The following KLHL18 variants were observed in gnomAD, a reference collection of about 807,000 sequenced individuals.
KLHL18 encodes kelch-like protein 18.
In KLHL18, 38 loss-of-function variants were observed where a neutral mutation model predicts 58.5. That is an observed-to-expected ratio of 0.65 (90% confidence interval 0.50 to 0.85). KLHL18 has a LOEUF of 0.85. Ranked by LOEUF, KLHL18 falls within the 40% of genes least tolerant of loss-of-function variation. The pLI, the probability that KLHL18 is intolerant of heterozygous loss-of-function variation, is 0.00. For synonymous variants in KLHL18, 303 were observed against 301.9 expected (o/e 1.00, Z -0.04); for missense variants, 624 against 778.4 (o/e 0.80, Z 2.36).
intron 7 of KLHL18, chr3:47,337,867 T>C (rs1358619557): frequency 1.3e-5 from 2 of 152,264 alleles, no homozygotes; most frequent in East Asian, 1.9e-4. Flanking sequence ...TCCCCAACCA[T>C]GAGTAGCTTT....
chr3:47,282,958 C>T lies in KLHL18; in HGVS notation c.-8C>T, dbSNP rs769546356. 7 of 1,608,180 alleles carry T rather than the reference C, an allele frequency of 4.4e-6. No homozygotes were observed. The highest frequency in any genetic ancestry group is 2.2e-5 in the East Asian group (1 of 44,602). The stretch of plus-strand genomic sequence containing the variant: ...GCGAGGCCTGCGCAGTTGCAGCGGC[C>T]GGGGAAGATGGTGGAGGACGGCGCG... On this transcript the variant is annotated 5_prime_UTR_variant, in exon 1 of 10. Coordinates refer to ENST00000232766, the MANE Select transcript of KLHL18 (RefSeq NM_025010.5).
chr3:47,291,803 A>G (rs1418665781), intron 1 of KLHL18, among the ~76,000 whole-genome samples: 2 of 152,220 alleles, frequency 1.3e-5, no homozygotes, highest in Non-Finnish European at 2.9e-5. Flanking sequence ...AAGTGAAAAA[A>G]ATTTTCCCAG....
intron 1 of KLHL18, among the ~76,000 whole-genome samples, chr3:47,311,305 C>T (rs1196266237): frequency 6.6e-6 from 1 of 152,168 alleles, no homozygotes; most frequent in Non-Finnish European, 1.5e-5. Flanking sequence ...GTCAGCCTCA[C>T]ATCACATCAC....
In KLHL18 at chr3:47,325,242, G is replaced by A. The variant is rs1170114307; in HGVS notation, c.401+2534G>A. 2.0e-5 allele frequency among the ~76,000 whole-genome samples: 3 copies of A among 152,034 alleles called. No individual in the cohort carries two copies. The East Asian group carries it at 5.8e-4, about 29-fold the overall frequency. On this transcript the variant is annotated intron_variant, in intron 3 of 9. Coordinates refer to ENST00000232766, the MANE Select transcript of KLHL18 (RefSeq NM_025010.5). ...GACAGAGTGTCACTCTTGTTGCCCA[G>A]GCTGGAGTGCAGTGGCGCGATCTTG...
At chr3:47,335,611 A>G (rs573145800) in intron 6 of KLHL18, among the ~76,000 whole-genome samples, 2 of 152,210 alleles carry the variant, frequency 1.3e-5, no homozygotes, top group Non-Finnish European at 2.9e-5. Flanking sequence ...GGGTTCAAGC[A>G]ATTCTCCCGC....
At chr3:47,322,191 T>C (rs568960671) in intron 2 of KLHL18, among the ~76,000 whole-genome samples, 1 of 152,332 alleles carries the variant, frequency 6.6e-6, no homozygotes, top group South Asian at 2.1e-4. Context: ...TGAAATATTA[T>C]ATAGCAGCCA....
chr3:47,339,900 T>C (rs944152116), intron 7 of KLHL18, among the ~76,000 whole-genome samples: 6 of 151,942 alleles, frequency 3.9e-5, no homozygotes, highest in Non-Finnish European at 7.4e-5. Flanking sequence ...AAAAAAAAAT[T>C]AGCTGGGTGT....
intron 3 of KLHL18, among the ~76,000 whole-genome samples, chr3:47,327,358 A>C (rs534855800): frequency 6.6e-6 from 1 of 152,370 alleles, no homozygotes; most frequent in African/African-American, 2.4e-5. Context: ...TTTGGAAATG[A>C]ATGCCAATGG....
At chr3:47,300,230 TC>T (rs2107593841) in intron 1 of KLHL18, among the ~76,000 whole-genome samples, 2 of 149,460 alleles carry the variant, frequency 1.3e-5, no homozygotes, top group East Asian at 3.9e-4. Flanking sequence ...ATTCTATTTC[TC>T]GGGAAAACCC....
Position 47,309,251 on chromosome 3 carries a change from G to A in KLHL18, c.130-10402G>A, listed in dbSNP as rs1039937454. On this transcript the variant is annotated intron_variant, in intron 1 of 9. Transcript: ENST00000232766. ...TTTTCTATTCGACAAAACCGCCATC[G>A]TCATCATGGCCCGTTCTCAATGAGC... 9.0e-4 allele frequency among the ~76,000 whole-genome samples: 137 copies of A among 152,250 alleles called. 2 individuals are homozygous for A. Among genetic ancestry groups the A allele is most frequent in the African/African-American group, 3.1e-3 (128 of 41,538 alleles).
intron 3 of KLHL18, among the ~76,000 whole-genome samples, chr3:47,325,853 T>C (rs559401369): frequency 6.6e-6 from 1 of 151,326 alleles, no homozygotes; most frequent in East Asian, 2.0e-4. Context: ...CACTGCCACC[T>C]CTGCCTCCCG....
chr3:47,319,867 C>T, intron 2 of KLHL18, 84 bp downstream of exon 2: 3 of 1,411,858 alleles, frequency 2.1e-6, no homozygotes, highest in Non-Finnish European at 3.0e-6. Context: ...GGACCTGCAG[C>T]AGGACACAGT....
intron 1 of KLHL18, among the ~76,000 whole-genome samples, chr3:47,299,123 C>T (rs970917130): frequency 1.3e-5 from 2 of 152,134 alleles, no homozygotes; most frequent in Non-Finnish European, 2.9e-5. Flanking sequence ...TCCAGAGTAG[C>T]GATATCATTT....
At chr3:47,301,008 G>C (rs867525481) in intron 1 of KLHL18, among the ~76,000 whole-genome samples, 5 of 151,882 alleles carry the variant, frequency 3.3e-5, no homozygotes, top group Admixed American at 3.3e-4. Context: ...GTGTTTATTT[G>C]CCATCTGTAT....
At chr3:47,303,541 G>T (rs1559490032) in intron 1 of KLHL18, among the ~76,000 whole-genome samples, 1 of 152,192 alleles carries the variant, frequency 6.6e-6, no homozygotes, top group African/African-American at 2.4e-5. Context: ...TTATCTTCTT[G>T]TACAACCAAA....
chr3:47,332,386 A>G (rs1412656309), intron 4 of KLHL18, among the ~76,000 whole-genome samples: 1 of 152,092 alleles, frequency 6.6e-6, no homozygotes, highest in Non-Finnish European at 1.5e-5. Flanking sequence ...AGAAAAGAAA[A>G]AAGAAATTTG....
chr3:47,309,963 A>G (rs1008809966), intron 1 of KLHL18, among the ~76,000 whole-genome samples: 3 of 137,742 alleles, frequency 2.2e-5, no homozygotes, highest in African/African-American at 7.9e-5. Flanking sequence ...TCGGCTCGGC[A>G]TCAGAGGGAG....
intron 7 of KLHL18, chr3:47,337,067 G>T (rs890101485): frequency 3.4e-6 from 1 of 291,792 alleles, no homozygotes; most frequent in African/African-American, 2.1e-5. Context: ...AGAGAAACTG[G>T]ACTGGAACTT....
intron 1 of KLHL18, among the ~76,000 whole-genome samples, chr3:47,302,290 T>TTCTGG (rs1240102213): frequency 5.3e-5 from 8 of 152,082 alleles, no homozygotes; most frequent in African/African-American, 1.9e-4. Context: ...ATCAAGACCA[T>TTCTGG]TCTGGCCAAC....
Sources: allele counts gnomAD v4.1 joint callset (sites outside exome capture counted in the v4.1 genomes callset), GRCh38; gene constraint gnomAD v4.1.1; transcripts MANE v1.5; gene names NCBI Gene and HGNC (gene_info 2026-07-23, HGNC 2026-07-21).